PLXNC1: variants seen among roughly 807,000 people sequenced by gnomAD.
PLXNC1 encodes the protein plexin-C1.
A neutral mutation model predicts 178.2 loss-of-function variants in PLXNC1; 75 were observed. The ratio of observed to expected loss-of-function variants is 0.42; its 90% CI spans 0.35 to 0.51. The LOEUF (loss-of-function observed/expected upper bound fraction) is 0.51, where lower values mean the gene tolerates loss of function less well. PLXNC1 is among the 20% of genes least tolerant of loss of function. The pLI, the probability that PLXNC1 is intolerant of heterozygous loss-of-function variation, is 0.02. For synonymous variants in PLXNC1, 790 were observed against 779.9 expected (o/e 1.01, Z -0.22); for missense variants, 1,503 against 1,984.4 (o/e 0.76, Z 4.61).
chr12:94,294,773 T>C (rs971863072), intron 24 of PLXNC1, among the ~76,000 whole-genome samples: 4 of 152,210 alleles, frequency 2.6e-5, no homozygotes, highest in Non-Finnish European at 5.9e-5. Flanking sequence ...ACTGAGGAAG[T>C]GGCTGCCTCT....
intron 4 of PLXNC1, among the ~76,000 whole-genome samples, chr12:94,198,555 T>TTCCC (rs1963006319): frequency 3.3e-5 from 5 of 152,038 alleles, no homozygotes; most frequent in African/African-American, 1.2e-4. Flanking sequence ...TAGTGAGGTG[T>TTCCC]TTTAGTTTCC....
chr12:94,254,838 G>A lies in PLXNC1; in HGVS notation c.2933G>A (p.Ser978Asn), dbSNP rs1310675957. 1 of 1,612,070 alleles carries A rather than the reference G, an allele frequency of 6.2e-7. No individual in the cohort carries two copies. Among genetic ancestry groups the A allele is most frequent in the Non-Finnish European group, 8.5e-7 (1 of 1,179,586 alleles). The change falls in exon 16 of 31, where the codon AGT (serine) becomes AAT (asparagine). Residue 978 changes from serine to asparagine, a missense_variant. Around this residue, in one of 4 missense-constraint regions of PLXNC1, gnomAD observed 639 missense variants for 979.7 expected, o/e 0.65. Transcript: ENST00000258526. The stretch of plus-strand genomic sequence containing the variant: ...TCGAAGGAGCTGAGTCGCAAACAGA[G>A]TCAACAACTAGAATTGCTGGAAAGC... ...HKSKELSRKQ[S>N]QQLELLESEL...
intron 23 of PLXNC1, among the ~76,000 whole-genome samples, chr12:94,284,623 T>C (rs1047919292): frequency 2.0e-5 from 3 of 152,028 alleles, no homozygotes; most frequent in Non-Finnish European, 4.4e-5. Flanking sequence ...TTAACCCCAC[T>C]TTATAGATGG....
intron 21 of PLXNC1, among the ~76,000 whole-genome samples, chr12:94,272,998 A>T (rs1357026202): frequency 6.6e-6 from 1 of 152,294 alleles, no homozygotes; most frequent in South Asian, 2.1e-4. Context: ...TTCGCAGCCC[A>T]GAGTCAGGAC....
intron 5 of PLXNC1, among the ~76,000 whole-genome samples, chr12:94,216,188 A>C (rs1383276194): frequency 6.6e-6 from 1 of 152,014 alleles, no homozygotes; most frequent in African/African-American, 2.4e-5. Context: ...GAATCGCTTA[A>C]ATCTGGGAGG....
At chr12:94,220,881 G>T (rs1210719131) in intron 6 of PLXNC1, among the ~76,000 whole-genome samples, 2 of 152,284 alleles carry the variant, frequency 1.3e-5, no homozygotes, top group East Asian at 1.9e-4. Flanking sequence ...CTGCATGATG[G>T]CCAGGAGACA....
chr12:94,230,031 C>T (rs988564053), intron 9 of PLXNC1, among the ~76,000 whole-genome samples: 7 of 152,180 alleles, frequency 4.6e-5, no homozygotes, highest in African/African-American at 1.7e-4. Flanking sequence ...GCAGTCAAGA[C>T]ACAGAACAGC....
intron 1 of PLXNC1, among the ~76,000 whole-genome samples, chr12:94,159,536 G>A (rs1399293503): frequency 6.6e-6 from 1 of 152,182 alleles, no homozygotes; most frequent in East Asian, 1.9e-4. Context: ...TGGTCTTGGT[G>A]GTTGTGGAGA....
At chr12:94,288,249 T>C (rs1219720652) in intron 23 of PLXNC1, among the ~76,000 whole-genome samples, 1 of 152,256 alleles carries the variant, frequency 6.6e-6, no homozygotes, top group African/African-American at 2.4e-5. Flanking sequence ...TCCCTACTTC[T>C]ACTTTAACCC....
chr12:94,250,503 A>G (rs1440523321), intron 14 of PLXNC1, among the ~76,000 whole-genome samples: 1 of 152,328 alleles, frequency 6.6e-6, no homozygotes, highest in African/African-American at 2.4e-5. Flanking sequence ...TCCATCCTCC[A>G]GCTACTGTGC....
At position 94,247,965 on chromosome 12, in the gene PLXNC1, AGT is replaced by A. The variant is rs1359412334; in HGVS notation, c.2453_2454del (p.Val818AlafsTer50). The A allele has an allele frequency of 6.2e-7, 1 of 1,614,192 alleles. No homozygotes were observed. Among genetic ancestry groups the A allele is most frequent in the South Asian group, 1.1e-5 (1 of 91,078 alleles). ...TAGCCCCCAGTTTAAAGAGTTCAAA[AGT>A]GCGCACGAATGTCACTGTGAAGCTG... ...FLAPSLKSSK[V>X]RTNVTVKLRV... On this transcript the variant is annotated frameshift_variant, in exon 13 of 31. Transcript: ENST00000258526. LOFTEE classifies it high-confidence loss of function.
intron 21 of PLXNC1, chr12:94,278,063 T>C (rs1195011244): frequency 8.8e-6 from 4 of 455,958 alleles, no homozygotes; most frequent in South Asian, 6.2e-5. Flanking sequence ...GAGCCCCCCC[T>C]CCCTCTGTCT....
intron 22 of PLXNC1, chr12:94,280,295 C>T (rs1966340253): frequency 6.2e-6 from 1 of 160,748 alleles, no homozygotes; most frequent in Admixed American, 5.9e-5. Flanking sequence ...CCGTGCAGTC[C>T]TCCCAGGAGA....
At position 94,255,328 on chromosome 12, in the gene PLXNC1, GA is replaced by G. The variant is rs767028261; in HGVS notation, c.3087+33del. 4 of 1,343,674 alleles carry G rather than the reference GA, an allele frequency of 3.0e-6. No individual in the cohort carries two copies. The South Asian group carries it at 4.7e-5, about 16-fold the overall frequency. 83.2% of individuals were successfully genotyped at this position (1,343,674 alleles called of 1,614,324 possible). The stretch of plus-strand genomic sequence containing the variant: ...GAGCATTGATCATATTCCGAAGGTT[GA>G]GTCTTGAATAATAATGAAGGTGCTT... On this transcript the variant is annotated intron_variant, in intron 17 of 30. Transcript: ENST00000258526.
chr12:94,213,113 C>T (rs1963541380), intron 5 of PLXNC1, among the ~76,000 whole-genome samples: 1 of 152,200 alleles, frequency 6.6e-6, no homozygotes, highest in Non-Finnish European at 1.5e-5. Context: ...AATATACTTA[C>T]ATGTGCATGT....
intron 1 of PLXNC1, among the ~76,000 whole-genome samples, chr12:94,160,740 A>G (rs944374053): frequency 3.9e-5 from 6 of 152,126 alleles, no homozygotes; most frequent in African/African-American, 1.4e-4. Flanking sequence ...CAGCCTGTAG[A>G]CCCCCTGACA....
At chr12:94,239,179 T>G (rs1964315456) in intron 10 of PLXNC1, among the ~76,000 whole-genome samples, 1 of 152,230 alleles carries the variant, frequency 6.6e-6, no homozygotes, top group Non-Finnish European at 1.5e-5. Context: ...ACCACATCTG[T>G]GTGGTGAAGC....
chr12:94,282,187 T>G (rs1180165883), intron 22 of PLXNC1, 111 bp from the exon 23 acceptor site: 2 of 738,024 alleles, frequency 2.7e-6, no homozygotes, highest in African/African-American at 1.7e-5. Context: ...TCTCTACACC[T>G]TCAAACAAAG....
intron 3 of PLXNC1, among the ~76,000 whole-genome samples, chr12:94,183,119 C>T (rs1962387532): frequency 6.6e-6 from 1 of 152,192 alleles, no homozygotes; most frequent in Non-Finnish European, 1.5e-5. Context: ...GTAACAGATA[C>T]TCTCAGCCCA....
Sources: allele counts gnomAD v4.1 joint callset (sites outside exome capture counted in the v4.1 genomes callset), GRCh38; gene constraint gnomAD v4.1.1; regional missense constraint gnomAD v4.1.1; transcripts MANE v1.5; gene names NCBI Gene and HGNC (gene_info 2026-07-23, HGNC 2026-07-21).